SLC2A1: variants seen among roughly 807,000 people sequenced by gnomAD.
SLC2A1 encodes the protein solute carrier family 2 member 1, also known as solute carrier family 2, facilitated glucose transporter member 1.
SLC2A1 carries 4 observed loss-of-function variants against 46.6 expected under a neutral mutation model. The ratio of observed to expected loss-of-function variants is 0.09; its 90% CI spans 0.04 to 0.20. The LOEUF is 0.20. SLC2A1 is among the 10% of genes least tolerant of loss of function. The probability of loss-of-function intolerance (pLI) is 1.00; values close to 1 mark genes in which losing one functional copy is unlikely to be tolerated. For missense variants in SLC2A1, 352 were observed against 667.0 expected (o/e 0.53, Z 5.20); for synonymous variants, 253 against 270.0 (o/e 0.94, Z 0.62).
chr1:42,934,847 G>A (rs1643526370), intron 2 of SLC2A1, among the ~76,000 whole-genome samples: 1 of 152,120 alleles, frequency 6.6e-6, no homozygotes, highest in African/African-American at 2.4e-5. Flanking sequence ...TCTCGATTCT[G>A]CCTCCGAGTC....
rs185465555 is a variant in SLC2A1 at position 42,941,474 on chromosome 1, C to T, written c.114+1752G>A. On this transcript the variant is annotated intron_variant, in intron 2 of 9. Coordinates refer to ENST00000426263, the MANE Select transcript of SLC2A1 (RefSeq NM_006516.4). ...TTTTGCTTTGAAGGCCCCCTGCTCA[C>T]CCCAACCCTGTTCTGTTTCTGGAAA... is the stretch of plus-strand genomic sequence containing the variant. Among the ~76,000 whole-genome samples, 208 of 152,326 alleles carry T rather than the reference C, an allele frequency of 1.4e-3. 2 individuals are homozygous for T. The highest frequency in any genetic ancestry group is 3.4e-3 in the Middle Eastern group (1 of 294).
In SLC2A1 at chr1:42,954,513, G is replaced by A. The variant is rs1225653731; in HGVS notation, c.18+4121C>T. ...GCACTCCAGCCTGGGCAACAAGAGC[G>A]AAACTCCGTCTCAAAAATCAAAACA... On this transcript the variant is annotated intron_variant, in intron 1 of 9. Coordinates refer to ENST00000426263, the MANE Select transcript of SLC2A1 (RefSeq NM_006516.4). The surrounding 1 kb of genome is among the most constrained non-coding windows in gnomAD (Gnocchi z 4.2). Among the ~76,000 whole-genome samples, 3 of 152,188 alleles carry A rather than the reference G, an allele frequency of 2.0e-5. No homozygotes were observed. Among genetic ancestry groups the A allele is most frequent in the South Asian group, 2.1e-4 (1 of 4,828 alleles).
At position 42,928,944 on chromosome 1, in the gene SLC2A1, C is replaced by A. The variant is rs748983257; in HGVS notation, c.1062G>T (p.Ala354=). Residue 354 remains alanine (A), a synonymous_variant, in exon 8 of 10, where the codon GCG becomes GCT. Coordinates refer to ENST00000426263, the MANE Select transcript of SLC2A1 (RefSeq NM_006516.4). The part of the protein sequence containing the change: ...MAGCAILMTI[A]LALLEQLPWM... ...CCTAGCAACTCACCAGCAGTGCTAG[C>A]GCGATGGTCATGAGTATGGCACAAC... is the stretch of plus-strand genomic sequence containing the variant. 6.2e-7 allele frequency: 1 copy of A among 1,613,748 alleles called. No individual in the cohort carries two copies.
rs779779804 is a variant in SLC2A1, at chr1:42,929,946, G to C, written c.606C>G (p.Ile202Met). ...IIFIPALLQCIVLPFCPESPR... is the reference protein window; with the variant it reads ...IIFIPALLQCMVLPFCPESPR... ...GACTCTCGGGGCAGAAGGGCAGCAC[G>C]ATGCACTGCAGCAGGGCCGGGATGA... The change falls in exon 5 of 10, where the codon ATC becomes ATG. Residue 202 changes from isoleucine (I) to methionine (M), a missense_variant. Ile to Met is a conservative substitution (Grantham distance 10, BLOSUM62 1). This residue lies in a region of SLC2A1 where 167 missense variants were observed against 280.8 expected (regional missense o/e 0.59). Transcript: ENST00000426263. The surrounding 1 kb of genome is among the most constrained non-coding windows in gnomAD (Gnocchi z 6.0). The C allele has an allele frequency of 2.5e-6, 4 of 1,614,148 alleles. No homozygotes were observed. The highest frequency in any genetic ancestry group is 3.4e-6 in the Non-Finnish European group (4 of 1,179,990).
At chr1:42,947,141 G>A (rs935871524) in intron 1 of SLC2A1, among the ~76,000 whole-genome samples, 3 of 152,226 alleles carry the variant, frequency 2.0e-5, no homozygotes, top group African/African-American at 7.2e-5. Flanking sequence ...ACATGGCAAT[G>A]AAGTCCATTC....
chr1:42,945,792 T>C (rs1484819001), intron 1 of SLC2A1, among the ~76,000 whole-genome samples: 1 of 150,688 alleles, frequency 6.6e-6, no homozygotes, highest in Non-Finnish European at 1.5e-5. Context: ...AAAGGTAACA[T>C]TCTAACCCCG....
At chr1:42,955,964 T>C (rs189688805) in intron 1 of SLC2A1, among the ~76,000 whole-genome samples, 3 of 152,300 alleles carry the variant, frequency 2.0e-5, no homozygotes, top group South Asian at 2.1e-4. Context: ...AAGAGGAACA[T>C]AGCAGAACCA....
Position 42,929,237 on chromosome 1 carries a change from G to C in SLC2A1, c.945C>G (p.Ile315Met), listed in dbSNP as rs780528770. 6.2e-6 allele frequency: 10 copies of C among 1,614,084 alleles called. No homozygotes were observed. The highest frequency in any genetic ancestry group is 5.3e-5 in the African/African-American group (4 of 75,056). Residue 315 changes from isoleucine to methionine, a missense_variant, in exon 7 of 10, where the codon ATC becomes ATG. By Grantham distance (10) the Ile-to-Met change is conservative. Coordinates refer to ENST00000426263, the MANE Select transcript of SLC2A1 (RefSeq NM_006516.4). The surrounding 1 kb of genome is among the most constrained non-coding windows in gnomAD (Gnocchi z 6.0). ...ACACGACAGTGAAGGCCGTGTTGAC[G>C]ATACCGGAGCCAATGGTGGCATACA... ...QPVYATIGSG[I>M]VNTAFTVVSL...
Position 42,926,964 on chromosome 1 carries a change from G to C in SLC2A1, c.*77C>G. 1 of 1,575,212 alleles carries C rather than the reference G, an allele frequency of 6.3e-7. No homozygotes were observed. Among genetic ancestry groups the C allele is most frequent in the South Asian group, 1.2e-5 (1 of 85,906 alleles). ...CGGCTGACATCTGTCAGGTTTGGAA[G>C]TCTCATCCAGCTGCCTGTGCTCCTG... On this transcript the variant is annotated 3_prime_UTR_variant, in exon 10 of 10. Coordinates refer to ENST00000426263, the MANE Select transcript of SLC2A1 (RefSeq NM_006516.4).
chr1:42,936,963 T>C (rs370114335), intron 2 of SLC2A1, among the ~76,000 whole-genome samples: 1 of 152,100 alleles, frequency 6.6e-6, no homozygotes, highest in South Asian at 2.1e-4. Context: ...CCCAGAGACA[T>C]TTTTGGTTGC....
chr1:42,949,467 A>G (rs1643698128), intron 1 of SLC2A1, among the ~76,000 whole-genome samples: 1 of 152,166 alleles, frequency 6.6e-6, no homozygotes, highest in Non-Finnish European at 1.5e-5. Context: ...AAGCCTTTTA[A>G]AAAAGAAGAG....
intron 2 of SLC2A1, among the ~76,000 whole-genome samples, chr1:42,940,284 C>T (rs934680995): frequency 2.6e-5 from 4 of 152,192 alleles, no homozygotes; most frequent in African/African-American, 9.7e-5. Context: ...CCAGTCAGCC[C>T]GAGTGGCCAC....
At chr1:42,935,177 G>A (rs1643529883) in intron 2 of SLC2A1, among the ~76,000 whole-genome samples, 1 of 152,160 alleles carries the variant, frequency 6.6e-6, no homozygotes. Flanking sequence ...ACAGATCTCT[G>A]TCCAGGTGCC....
intron 1 of SLC2A1, chr1:42,952,407 T>G (rs1321898624): frequency 2.1e-6 from 1 of 480,002 alleles, no homozygotes; most frequent in Non-Finnish European, 4.2e-6. Context: ...GCTGATGCAG[T>G]CGATCAGCGA....
chr1:42,939,752 A>G (rs1643577058), intron 2 of SLC2A1, among the ~76,000 whole-genome samples: 1 of 152,102 alleles, frequency 6.6e-6, no homozygotes, highest in South Asian at 2.1e-4. Context: ...GTTTGAGACC[A>G]GCCTCACCAA....
chr1:42,958,561 C>T, intron 1 of SLC2A1, 73 bp downstream of exon 1: 1 of 1,357,490 alleles, frequency 7.4e-7, no homozygotes. Flanking sequence ...CGGGGGAGGC[C>T]CTGGCCGGCG....
intron 1 of SLC2A1, among the ~76,000 whole-genome samples, chr1:42,951,347 A>C (rs1416205851): frequency 2.7e-5 from 4 of 146,566 alleles, no homozygotes. Flanking sequence ...ACCAGGGTAG[A>C]TTGTTCAGGG....
At chr1:42,941,397 A>T (rs1161382748) in intron 2 of SLC2A1, among the ~76,000 whole-genome samples, 7 of 152,114 alleles carry the variant, frequency 4.6e-5, no homozygotes, top group Non-Finnish European at 7.3e-5. Context: ...CTCTAGTGAC[A>T]CACTAAACTA....
chr1:42,952,891 CTG>C (rs2124472369), intron 1 of SLC2A1, among the ~76,000 whole-genome samples: 1 of 152,332 alleles, frequency 6.6e-6, no homozygotes, highest in South Asian at 2.1e-4. Flanking sequence ...GAAACCCAAT[CTG>C]TGCTGCTCAG....
Sources: gnomAD v4.1 joint callset for allele counts (sites outside exome capture counted in the v4.1 genomes callset) on GRCh38, gnomAD v4.1.1 for gene constraint, gnomAD v4.1.1 regional missense constraint, Gnocchi (gnomAD v3.1) non-coding constraint, MANE v1.5 for transcripts, NCBI Gene and HGNC (gene_info 2026-07-23, HGNC 2026-07-21) for gene names.